The following SSUH2 variants were observed in gnomAD, a reference collection of about 807,000 sequenced individuals.
SSUH2 encodes ssu-2 homolog.
SSUH2 carries 47 observed loss-of-function variants against 55.3 expected under a neutral mutation model. That is an observed-to-expected ratio of 0.85 (90% CI 0.67 to 1.08). SSUH2 has a LOEUF of 1.08. Ranked by LOEUF, SSUH2 falls within the 50% of genes least tolerant of loss-of-function variation. The probability of loss-of-function intolerance (pLI) is 0.00; values close to 1 mark genes in which losing one functional copy is unlikely to be tolerated. For synonymous variants in SSUH2, 212 were observed against 191.5 expected (o/e 1.11, Z -0.89); for missense variants, 535 against 490.7 (o/e 1.09, Z -0.85).
intron 1 of SSUH2, among the ~76,000 whole-genome samples, chr3:8,639,272 C>T (rs1028155932): frequency 4.6e-5 from 7 of 152,168 alleles, no homozygotes; most frequent in African/African-American, 1.4e-4. Context: ...ACCACCCCGC[C>T]CTAACACACA....
At chr3:8,667,871 C>T (rs1168715755) in intron 5 of SSUH2, among the ~76,000 whole-genome samples, 1 of 151,990 alleles carries the variant, frequency 6.6e-6, no homozygotes, top group Non-Finnish European at 1.5e-5. Flanking sequence ...GAATGAAGAC[C>T]AAGTTAATAT....
intron 11 of SSUH2, among the ~76,000 whole-genome samples, chr3:8,620,658 A>G (rs1575013630): frequency 6.6e-6 from 1 of 152,308 alleles, no homozygotes; most frequent in East Asian, 1.9e-4. Context: ...AGGCATCCCC[A>G]GGGGAGTTCC....
chr3:8,632,561 A>T (rs1261243343), intron 4 of SSUH2, among the ~76,000 whole-genome samples: 1 of 152,184 alleles, frequency 6.6e-6, no homozygotes, highest in Non-Finnish European at 1.5e-5. Context: ...CTCTCCTTTT[A>T]CATGTGAGGA....
chr3:8,669,985 G>A (rs1222899454), intron 5 of SSUH2, among the ~76,000 whole-genome samples: 1 of 152,180 alleles, frequency 6.6e-6, no homozygotes, highest in African/African-American at 2.4e-5. Flanking sequence ...GTGTTGTCCT[G>A]GCATTAATTT....
intron 2 of SSUH2, among the ~76,000 whole-genome samples, chr3:8,677,955 G>A (rs1315627570): frequency 1.3e-5 from 2 of 151,060 alleles, no homozygotes; most frequent in East Asian, 2.0e-4. Context: ...GTCTGTACTG[G>A]GAGTAATATC....
At chr3:8,673,809 C>A (rs13353453) in intron 3 of SSUH2, among the ~76,000 whole-genome samples, 32,867 of 151,958 alleles carry the variant, frequency 0.22, 5,036 homozygotes, top group African/African-American at 0.44. Context: ...AAACTGAGAC[C>A]GGGAAGCTCT....
At chr3:8,677,158 C>G (rs146941072) in intron 3 of SSUH2, 2,007 of 152,220 alleles carry the variant, frequency 0.013, 88 homozygotes, top group Non-Finnish European at 0.02. Context: ...CCTCTTCCCC[C>G]CCTTGCTCAG....
intron 6 of SSUH2, among the ~76,000 whole-genome samples, chr3:8,661,476 G>T (rs1272210056): frequency 2.6e-5 from 4 of 152,142 alleles, no homozygotes; most frequent in Non-Finnish European, 5.9e-5. Context: ...TCTAAGTCAT[G>T]AACCTGGAAG....
Position 8,678,167 on chromosome 3 carries a change from T to C in SSUH2, c.-900-814A>G, listed in dbSNP as rs528927853. On this transcript the variant is annotated intron_variant, in intron 2 of 18. Transcript: ENST00000317371. ...ACAACATCCCTGGGGGTTTCCACTT[T>C]CTGCCATACATGAAGTCATATCACC... 2.7e-4 allele frequency among the ~76,000 whole-genome samples: 41 copies of C among 152,168 alleles called. No homozygotes were observed. The Middle Eastern group carries it at 0.01, about 38-fold the overall frequency.
chr3:8,674,791 G>A (rs531215034), intron 3 of SSUH2, among the ~76,000 whole-genome samples: 45 of 152,156 alleles, frequency 3.0e-4, no homozygotes, highest in African/African-American at 9.2e-4. Context: ...ACGGTCCCCC[G>A]AGAGGAGGAA....
intron 8 of SSUH2, among the ~76,000 whole-genome samples, chr3:8,626,546 C>A (rs1330424912): frequency 2.1e-5 from 3 of 143,212 alleles, no homozygotes; most frequent in East Asian, 2.1e-4. Context: ...TGCCCCCCCC[C>A]CTCCCCCACC....
At chr3:8,680,001 CA>C (rs1705845234) in intron 1 of SSUH2, among the ~76,000 whole-genome samples, 1 of 152,104 alleles carries the variant, frequency 6.6e-6, no homozygotes, top group African/African-American at 2.4e-5. Context: ...CCAACAACAG[CA>C]AGTCTTTCAT....
upstream of SSUH2, among the ~76,000 whole-genome samples, chr3:8,645,851 A>C (rs886203174): frequency 6.6e-6 from 1 of 152,062 alleles, no homozygotes; most frequent in Non-Finnish European, 1.5e-5. Flanking sequence ...TACTGCCTTC[A>C]CCCTCGTCAC....
intron 5 of SSUH2, among the ~76,000 whole-genome samples, chr3:8,668,184 C>T (rs1704168987): frequency 6.6e-6 from 1 of 152,048 alleles, no homozygotes; most frequent in African/African-American, 2.4e-5. Context: ...CAAACACAAC[C>T]ACTGTGGCCT....
Position 8,629,655 on chromosome 3 carries a change from A to ATGACTCACCAGTGGTTCACAGT in SSUH2, c.588+8_588+9insACTGTGAACCACTGGTGAGTCA. 6.2e-7 allele frequency: 1 copy of ATGACTCACCAGTGGTTCACAGT among 1,613,958 alleles called. No individual in the cohort carries two copies. On this transcript the variant is annotated intron_variant, in intron 7 of 11. Transcript: ENST00000544814. ...TCACTGACTCACCAGTGGTTCACAGATGACTCACCGTGCCCGCCCCGTGGC... is the reference window on the plus strand; with the variant it reads ...TCACTGACTCACCAGTGGTTCACAGATGACTCACCAGTGGTTCACAGTTGACTCACCGTGCCCGCCCCGTGGC...
intron 5 of SSUH2, among the ~76,000 whole-genome samples, chr3:8,668,871 A>G (rs1395026310): frequency 1.4e-5 from 2 of 145,168 alleles, no homozygotes; most frequent in Non-Finnish European, 3.0e-5. Context: ...ACCTAGGTAG[A>G]TTCCTGATTC....
intron 6 of SSUH2, chr3:8,659,836 C>T: frequency 4.4e-6 from 2 of 454,866 alleles, no homozygotes; most frequent in Non-Finnish European, 4.4e-6. Flanking sequence ...GAGAAGGAGG[C>T]AATTAGAACA....
At chr3:8,628,246 C>T (rs1293017362) in intron 7 of SSUH2, among the ~76,000 whole-genome samples, 3 of 152,136 alleles carry the variant, frequency 2.0e-5, no homozygotes, top group Non-Finnish European at 4.4e-5. Flanking sequence ...CAGGAGTGAG[C>T]TGGGGATGCA....
At chr3:8,676,058 T>A (rs1480155364) in intron 3 of SSUH2, among the ~76,000 whole-genome samples, 2 of 152,030 alleles carry the variant, frequency 1.3e-5, no homozygotes, top group Non-Finnish European at 2.9e-5. Flanking sequence ...AACCTGAACA[T>A]AAAGGCCCCC....
Sources: gnomAD v4.1 joint callset for allele counts (sites outside exome capture counted in the v4.1 genomes callset) on GRCh38, gnomAD v4.1.1 for gene constraint, MANE v1.5 for transcripts, NCBI Gene and HGNC (gene_info 2026-07-23, HGNC 2026-07-21) for gene names.